Variants in XRRA1 observed in about 807,000 individuals in gnomAD.
XRRA1 encodes the protein X-ray radiation resistance associated 1.
In XRRA1, 69 loss-of-function variants were observed where a neutral mutation model predicts 80.2. That is an observed-to-expected ratio of 0.86 (90% CI 0.71 to 1.05). The LOEUF (loss-of-function observed/expected upper bound fraction) is 1.05. Among genes scored for constraint, XRRA1 ranks in the 50% least tolerant of loss-of-function variants. The pLI, the probability that XRRA1 is intolerant of heterozygous loss-of-function variation, is 0.00. For synonymous variants in XRRA1, 348 were observed against 389.9 expected (o/e 0.89, Z 1.27); for missense variants, 967 against 976.4 (o/e 0.99, Z 0.13).
At chr11:74,911,190 T>C (rs1244999971) in intron 8 of XRRA1, 2 of 152,182 alleles carry the variant, frequency 1.3e-5, no homozygotes, top group African/African-American at 4.8e-5. Context: ...TGAATCTAGA[T>C]AGATGAGTGG....
intron 9 of XRRA1, 79 bp downstream of exon 9, chr11:74,907,066 G>A (rs925407664): frequency 1.3e-6 from 2 of 1,575,188 alleles, no homozygotes; most frequent in African/African-American, 2.7e-5. Flanking sequence ...CAAACCTTTT[G>A]GCTTCCAGAA....
intron 4 of XRRA1, 37 bp from the exon 5 acceptor site, chr11:74,933,909 C>T (rs1411510197): frequency 3.2e-6 from 5 of 1,567,360 alleles, no homozygotes; most frequent in Non-Finnish European, 4.3e-6. Flanking sequence ...CTTAAGGCCC[C>T]TACAAAGTTT....
At chr11:74,924,448 T>C (rs148488980) in intron 7 of XRRA1, among the ~76,000 whole-genome samples, 3,554 of 145,364 alleles carry the variant, frequency 0.024, 119 homozygotes, top group African/African-American at 0.088. Context: ...CACTCCAGCC[T>C]GGGCGACAGA....
intron 10 of XRRA1, among the ~76,000 whole-genome samples, chr11:74,885,261 C>T (rs2048737801): frequency 3.3e-5 from 5 of 151,282 alleles, no homozygotes; most frequent in Admixed American, 3.3e-4. Flanking sequence ...GAGACCCTGT[C>T]TCAAAGAAGA....
chr11:74,881,284 C>A (rs1365552893), intron 10 of XRRA1, among the ~76,000 whole-genome samples: 1 of 151,302 alleles, frequency 6.6e-6, no homozygotes, highest in Non-Finnish European at 1.5e-5. Context: ...AGGATTGCAA[C>A]CCCTGCCTTT....
Position 74,859,163 on chromosome 11 carries a change from T to C in XRRA1, c.1165A>G (p.Asn389Asp). The change falls in exon 12 of 19, where the codon AAC becomes GAC. Residue 389 changes from asparagine (N) to aspartate (D), a missense_variant. Asn to Asp is a conservative substitution (Grantham distance 23). Coordinates refer to ENST00000684022, the MANE Select transcript of XRRA1 (RefSeq NM_001378157.1). ...GGAGAGGAGCAGAAAGTCACCTTGT[T>C]GTAGGCCAGGCTAAGGTATCTCAGC... ...PELRYLSLAY[N>D]KIAKEDAVLP... 2 of 1,598,420 alleles carry C rather than the reference T, an allele frequency of 1.3e-6. No individual in the cohort carries two copies. Among genetic ancestry groups the C allele is most frequent in the Non-Finnish European group, 1.7e-6 (2 of 1,175,508 alleles).
rs1359988768 is a variant in XRRA1 at position 74,889,460 on chromosome 11, TAA to T, written c.1003+16777_1003+16778del. Reference sequence around the variant, plus strand: ...GCCACTGCAAAAACATGCCAAATTGTAAAGACTATCGAGGCTAGGAAGAAACT... The same window carrying T: ...GCCACTGCAAAAACATGCCAAATTGTAGACTATCGAGGCTAGGAAGAAACT... On this transcript the variant is annotated intron_variant, in intron 10 of 18. Transcript: ENST00000684022. 2.6e-5 allele frequency among the ~76,000 whole-genome samples: 4 copies of T among 152,292 alleles called. No individual in the cohort carries two copies. In the East Asian group the frequency reaches 5.8e-4, roughly 22 times the overall value.
In XRRA1 at chr11:74,844,793, G is replaced by A. The variant is rs189860547; in HGVS notation, c.1927+280C>T. 3.9e-5 allele frequency among the ~76,000 whole-genome samples: 6 copies of A among 152,372 alleles called. No individual in the cohort carries two copies. The East Asian group carries it at 1.2e-3, about 29-fold the overall frequency. Reference sequence around the variant, plus strand: ...ATTCATCACACTTTTCCTGAGGAGAGACTTTATCATCCAGAGCAGCTAGGC... The same window carrying A: ...ATTCATCACACTTTTCCTGAGGAGAAACTTTATCATCCAGAGCAGCTAGGC... On this transcript the variant is annotated intron_variant, in intron 16 of 18. Transcript: ENST00000684022.
intron 6 of XRRA1, among the ~76,000 whole-genome samples, 189 bp from the exon 7 acceptor site, chr11:74,927,677 TAAGGCTCAGCC>T (rs1341911088): frequency 5.9e-5 from 9 of 152,220 alleles, no homozygotes; most frequent in Admixed American, 5.9e-4. Context: ...TATGGCTGAC[TAAGGCTCAGCC>T]AAGCTAAGTG....
Position 74,842,977 on chromosome 11 carries a change from G to T in XRRA1, c.*223C>A. 1 of 590,826 alleles carries T rather than the reference G, an allele frequency of 1.7e-6. No homozygotes were observed. Among genetic ancestry groups the T allele is most frequent in the East Asian group, 2.8e-5 (1 of 35,384 alleles). 36.6% of individuals were successfully genotyped at this position (590,826 alleles called of 1,614,324 possible). ...TGTGGCACCCAGTCTATTGCCCTGT[G>T]CACCCACTCTTTATTGCCGCTGGGC... is the stretch of plus-strand genomic sequence containing the variant. On this transcript the variant is annotated 3_prime_UTR_variant, in exon 19 of 19. Transcript: ENST00000684022.
chr11:74,939,510 C>T (rs1384763901), intron 3 of XRRA1, among the ~76,000 whole-genome samples: 1 of 152,176 alleles, frequency 6.6e-6, no homozygotes, highest in Non-Finnish European at 1.5e-5. Flanking sequence ...ATTGGGAGCA[C>T]CTTCAAGTCA....
intron 10 of XRRA1, among the ~76,000 whole-genome samples, chr11:74,897,448 A>G (rs147322038): frequency 3.3e-5 from 5 of 152,258 alleles, no homozygotes; most frequent in African/African-American, 9.6e-5. Context: ...AGTTTATTCA[A>G]ATGGATAATA....
intron 8 of XRRA1, chr11:74,910,768 G>C (rs993153189): frequency 6.6e-6 from 1 of 152,316 alleles, no homozygotes; most frequent in Non-Finnish European, 1.5e-5. Flanking sequence ...AGAAACTGCA[G>C]ACTGGGACCA....
intron 10 of XRRA1, among the ~76,000 whole-genome samples, chr11:74,871,733 A>G (rs1041161235): frequency 3.3e-5 from 5 of 152,068 alleles, no homozygotes; most frequent in Admixed American, 6.5e-5. Context: ...GAAATGACCA[A>G]TGGAGGTGAT....
At chr11:74,848,872 G>A (rs1434341052) in intron 14 of XRRA1, among the ~76,000 whole-genome samples, 1 of 152,190 alleles carries the variant, frequency 6.6e-6, no homozygotes, top group Non-Finnish European at 1.5e-5. Flanking sequence ...TGAACATGGT[G>A]CCTATGGCTT....
At chr11:74,846,267 A>G (rs2038133413) in intron 15 of XRRA1, 1 of 152,030 alleles carries the variant, frequency 6.6e-6, no homozygotes, top group Non-Finnish European at 1.5e-5. Flanking sequence ...GTGTGTACAT[A>G]TATATGACCT....
chr11:74,865,022 G>A (rs535883458), intron 10 of XRRA1, among the ~76,000 whole-genome samples: 1 of 151,816 alleles, frequency 6.6e-6, no homozygotes, highest in Non-Finnish European at 1.5e-5. Flanking sequence ...ATCCTGAGAG[G>A]ACCCAGTCTC....
chr11:74,929,708 GCTC>G (rs1307968144), intron 6 of XRRA1, among the ~76,000 whole-genome samples: 2 of 152,136 alleles, frequency 1.3e-5, no homozygotes, highest in African/African-American at 2.4e-5. Context: ...CAGCTTAGGT[GCTC>G]CTCTTCTCAG....
At chr11:74,939,381 T>TC (rs1232290817) in intron 3 of XRRA1, among the ~76,000 whole-genome samples, 2 of 152,156 alleles carry the variant, frequency 1.3e-5, no homozygotes, top group Middle Eastern at 3.4e-3. Flanking sequence ...CTATTTTGTT[T>TC]CCCCCCACAT....
Sources: gnomAD v4.1 joint callset for allele counts (sites outside exome capture counted in the v4.1 genomes callset) on GRCh38, gnomAD v4.1.1 for gene constraint, MANE v1.5 for transcripts, NCBI Gene and HGNC (gene_info 2026-07-23, HGNC 2026-07-21) for gene names.